The following RHOU variants were observed in gnomAD, a reference collection of about 807,000 sequenced individuals.
RHOU encodes ras homolog family member U, also known as rho-related GTP-binding protein RhoU.
Under a neutral mutation model 12.6 loss-of-function variants are expected in RHOU, and 8 were observed. The ratio of observed to expected loss-of-function variants is 0.64; its 90% confidence interval spans 0.37 to 1.15. RHOU has a LOEUF of 1.15. Ranked by LOEUF, RHOU falls within the 50% of genes most tolerant of loss-of-function variation. The pLI, the probability that RHOU is intolerant of heterozygous loss-of-function variation, is 0.01. For synonymous variants in RHOU, 161 were observed against 147.4 expected, an observed-to-expected ratio of 1.09 and a Z score of -0.67; for missense variants, 258 against 347.0, an observed-to-expected ratio of 0.74 and a Z score of 2.04.
the RHOU span, chr1:228,687,664 T>C: frequency 6.5e-7 from 1 of 1,528,240 alleles, no homozygotes; most frequent in East Asian, 2.2e-5. Flanking sequence ...GACCCCCATT[T>C]GTGTGACTTC....
In RHOU at chr1:228,737,641, C is replaced by T. The variant is rs1230918236; in HGVS notation, c.263-32C>T. ...TATTCCGAAAGGGGTTAAAAGACAC[C>T]TCCTGATTGTCATTTTGGTTTTGTT... On this transcript the variant is annotated intron_variant, in intron 1 of 2. Coordinates refer to ENST00000366691, the MANE Select transcript of RHOU (RefSeq NM_021205.6). This position sits in a 1 kb window ranked among gnomAD's most constrained non-coding sequence, Gnocchi z 4.1. The T allele has an allele frequency of 1.2e-6, 2 of 1,609,384 alleles. No homozygotes were observed. The highest frequency in any genetic ancestry group is 3.3e-5 in the Admixed American group (2 of 60,004).
chr1:228,690,652 C>G, the RHOU span, among the ~76,000 whole-genome samples: 50 of 147,978 alleles, frequency 3.4e-4, 1 homozygote, highest in Admixed American at 3.4e-3. Context: ...GAGTTTTGCT[C>G]TTTTGCCCAG....
the RHOU span, among the ~76,000 whole-genome samples, chr1:228,707,206 CAT>C: frequency 5.0e-3 from 217 of 42,974 alleles, 2 homozygotes; most frequent in East Asian, 0.01. Flanking sequence ...CATATATATA[CAT>C]ATATATATAC....
the RHOU span, among the ~76,000 whole-genome samples, chr1:228,699,290 T>TA: frequency 2.0e-5 from 3 of 149,204 alleles, no homozygotes; most frequent in Non-Finnish European, 4.5e-5. Flanking sequence ...CTACAAAAAA[T>TA]AAAAAAAATT....
chr1:228,727,325 T>C, the RHOU span, among the ~76,000 whole-genome samples: 1 of 152,268 alleles, frequency 6.6e-6, no homozygotes, highest in South Asian at 2.1e-4. Flanking sequence ...TCTTTTTTTC[T>C]GGGACAGTGT....
the RHOU span, among the ~76,000 whole-genome samples, chr1:228,653,172 C>G: frequency 2.0e-5 from 3 of 152,154 alleles, no homozygotes; most frequent in Admixed American, 1.3e-4. Context: ...ATTTTTGAGA[C>G]AAGGTCTCCC....
At chr1:228,668,692 G>A in the RHOU span, among the ~76,000 whole-genome samples, 222 of 152,258 alleles carry the variant, frequency 1.5e-3, 1 homozygote, top group African/African-American at 5.0e-3. Flanking sequence ...TCTTAGAATC[G>A]ATAAAATACA....
At chr1:228,718,724 C>T in the RHOU span, among the ~76,000 whole-genome samples, 3 of 152,172 alleles carry the variant, frequency 2.0e-5, no homozygotes, top group Non-Finnish European at 1.5e-5. Context: ...ACTTAGAAAA[C>T]TGTCTTTCTC....
At chr1:228,687,758 G>T in the RHOU span, 1 of 1,399,704 alleles carries the variant, frequency 7.1e-7, no homozygotes, top group Non-Finnish European at 1.0e-6. Context: ...AGATGGGAGC[G>T]CCCGAATCTG....
At chr1:228,676,000 C>T in the RHOU span, among the ~76,000 whole-genome samples, 2 of 152,188 alleles carry the variant, frequency 1.3e-5, no homozygotes, top group South Asian at 4.1e-4. Flanking sequence ...GGAATTTTCA[C>T]TGGTTTACAG....
chr1:228,674,604 C>A, the RHOU span, among the ~76,000 whole-genome samples: 4 of 152,092 alleles, frequency 2.6e-5, no homozygotes, highest in African/African-American at 7.2e-5. Context: ...CCTCGGCCCC[C>A]CAAAGTGCTG....
At chr1:228,683,747 G>C in the RHOU span, among the ~76,000 whole-genome samples, 1 of 152,252 alleles carries the variant, frequency 6.6e-6, no homozygotes, top group Non-Finnish European at 1.5e-5. Context: ...CAATATGAGT[G>C]ATGGCAGCCA....
At chr1:228,707,662 C>T in the RHOU span, among the ~76,000 whole-genome samples, 1 of 152,240 alleles carries the variant, frequency 6.6e-6, no homozygotes, top group South Asian at 2.1e-4. Flanking sequence ...ATCTGTACAT[C>T]ACCATCATCA....
chr1:228,660,933 CAAAAA>C, the RHOU span, among the ~76,000 whole-genome samples: 2 of 116,588 alleles, frequency 1.7e-5, no homozygotes, highest in African/African-American at 3.1e-5. Context: ...AACTCTGTCT[CAAAAA>C]AAAAAAAAAA....
At chr1:228,682,889 G>C in the RHOU span, among the ~76,000 whole-genome samples, 6 of 152,186 alleles carry the variant, frequency 3.9e-5, no homozygotes, top group African/African-American at 1.2e-4. Context: ...ATAAGACACA[G>C]AGAGGTTGAG....
At chr1:228,690,867 C>T in the RHOU span, among the ~76,000 whole-genome samples, 2 of 149,510 alleles carry the variant, frequency 1.3e-5, no homozygotes, top group South Asian at 2.1e-4. Flanking sequence ...CTGACCTCCT[C>T]GGCCTCCCAA....
At chr1:228,707,127 CATAT>C in the RHOU span, among the ~76,000 whole-genome samples, 42 of 76,808 alleles carry the variant, frequency 5.5e-4, no homozygotes, top group South Asian at 4.5e-3. Context: ...TATATATATA[CATAT>C]ATATATATAT....
At chr1:228,650,846 C>A in the RHOU span, 38 of 403,626 alleles carry the variant, frequency 9.4e-5, no homozygotes, top group Middle Eastern at 1.2e-3. Context: ...CACAGCCCAG[C>A]TGAATGTCCC....
At chr1:228,664,032 C>T in the RHOU span, among the ~76,000 whole-genome samples, 1 of 120,490 alleles carries the variant, frequency 8.3e-6, no homozygotes, top group Non-Finnish European at 1.7e-5. Flanking sequence ...TTTCTCTTCC[C>T]TTCTCTTCTT....
Sources: gnomAD v4.1 joint callset for allele counts (sites outside exome capture counted in the v4.1 genomes callset) on GRCh38, gnomAD v4.1.1 for gene constraint, Gnocchi (gnomAD v3.1) non-coding constraint, MANE v1.5 for transcripts, NCBI Gene and HGNC (gene_info 2026-07-23, HGNC 2026-07-21) for gene names.